CORO1C: variants seen among roughly 807,000 people sequenced by gnomAD.
The protein encoded by CORO1C is coronin-1C.
A neutral mutation model predicts 51.2 loss-of-function variants in CORO1C; 14 were observed. The ratio of observed to expected loss-of-function variants is 0.27; its 90% CI spans 0.18 to 0.43. The LOEUF (loss-of-function observed/expected upper bound fraction) is 0.43. Ranked by LOEUF, CORO1C falls within the 20% of genes least tolerant of loss-of-function variation. The pLI, the probability that CORO1C is intolerant of heterozygous loss-of-function variation, is 1.00. For missense variants in CORO1C, 417 were observed against 607.8 expected, an observed-to-expected ratio of 0.69 and a Z score of 3.30; for synonymous variants, 181 against 210.5, an observed-to-expected ratio of 0.86 and a Z score of 1.21.
At chr12:108,702,986 T>C (rs1193758139) in intron 1 of CORO1C, 1 of 1,486,238 alleles carries the variant, frequency 6.7e-7, no homozygotes, top group Non-Finnish European at 8.9e-7. Flanking sequence ...AAATGATTCG[T>C]GGCCAGGGTC....
rs374447417 is a variant in CORO1C at position 108,649,033 on chromosome 12, A to C, written c.1002-13T>G. 1.4e-5 allele frequency: 23 copies of C among 1,613,862 alleles called. No individual in the cohort carries two copies. Among genetic ancestry groups the C allele is most frequent in the Non-Finnish European group, 1.9e-5 (23 of 1,179,924 alleles). Reference sequence around the variant, plus strand: ...AAGTTTGAAGAATCTTCAGAGGGGAAATAAAGGCAAAGTTGCATTAAGTGA... The same window carrying C: ...AAGTTTGAAGAATCTTCAGAGGGGACATAAAGGCAAAGTTGCATTAAGTGA... On this transcript the variant is annotated splice_polypyrimidine_tract_variant and intron_variant, in intron 8 of 10. Transcript: ENST00000261401.
intron 2 of CORO1C, among the ~76,000 whole-genome samples, chr12:108,679,109 C>CAAAAAAA (rs1183326267): frequency 4.7e-3 from 97 of 20,776 alleles, no homozygotes; most frequent in African/African-American, 5.3e-3. Context: ...GACTCTGTCT[C>CAAAAAAA]AAAAAAAAAA....
At chr12:108,712,615 T>C (rs1161441640) in intron 1 of CORO1C, among the ~76,000 whole-genome samples, 1 of 140,038 alleles carries the variant, frequency 7.1e-6, no homozygotes, top group Non-Finnish European at 1.5e-5. Context: ...TGTAATAATA[T>C]ATAAGCCTAC....
At chr12:108,656,919 C>T (rs1462452119) in intron 6 of CORO1C, among the ~76,000 whole-genome samples, 1 of 152,148 alleles carries the variant, frequency 6.6e-6, no homozygotes, top group Admixed American at 6.5e-5. Flanking sequence ...TGCGGAAGGC[C>T]GCAGGGTCCT....
chr12:108,689,131 C>T (rs939249164), intron 2 of CORO1C, among the ~76,000 whole-genome samples: 15 of 151,922 alleles, frequency 9.9e-5, no homozygotes, highest in African/African-American at 2.9e-4. Flanking sequence ...ACCCGGAAGG[C>T]GGAGGTTGCA....
chr12:108,665,599 G>A (rs1234027442), intron 3 of CORO1C, among the ~76,000 whole-genome samples: 1 of 152,194 alleles, frequency 6.6e-6, no homozygotes, highest in East Asian at 1.9e-4. Context: ...GCAGAGTCTG[G>A]TTCAAATCCT....
intron 2 of CORO1C, among the ~76,000 whole-genome samples, chr12:108,693,150 T>C (rs1565924902): frequency 6.6e-6 from 1 of 151,838 alleles, no homozygotes; most frequent in Non-Finnish European, 1.5e-5. Flanking sequence ...TCACACTCAG[T>C]AGAAAAAAAA....
Position 108,708,253 on chromosome 12 carries a change from T to C in CORO1C, c.-5-6930A>G, listed in dbSNP as rs1031470130. Among the ~76,000 whole-genome samples the C allele has an allele frequency of 3.9e-5, 6 of 152,114 alleles. No individual in the cohort carries two copies. In the South Asian group the frequency reaches 1.2e-3, roughly 32 times the overall value. Reference sequence around the variant, plus strand: ...AATACAGACTATCCATTGTATCCAATGGATAAACAAAATGTGATATTACCT... The same window carrying C: ...AATACAGACTATCCATTGTATCCAACGGATAAACAAAATGTGATATTACCT... On this transcript the variant is annotated intron_variant, in intron 1 of 10. Transcript: ENST00000261401.
intron 6 of CORO1C, among the ~76,000 whole-genome samples, chr12:108,655,784 C>T (rs2032936408): frequency 6.6e-6 from 1 of 152,246 alleles, no homozygotes; most frequent in African/African-American, 2.4e-5. Context: ...CAGATTGCAG[C>T]CTCTGCCCGG....
At chr12:108,714,409 A>AT (rs1485863745) in intron 1 of CORO1C, among the ~76,000 whole-genome samples, 1 of 150,928 alleles carries the variant, frequency 6.6e-6, no homozygotes, top group East Asian at 2.0e-4. Context: ...AAAAAAAAAA[A>AT]AAAAAAGAGG....
intron 3 of CORO1C, among the ~76,000 whole-genome samples, chr12:108,672,815 T>C (rs1257526191): frequency 6.6e-6 from 1 of 152,218 alleles, no homozygotes; most frequent in African/African-American, 2.4e-5. Flanking sequence ...GTTACAGTGA[T>C]CAGTAATGTC....
intron 2 of CORO1C, among the ~76,000 whole-genome samples, chr12:108,693,294 C>T (rs957264952): frequency 6.6e-6 from 1 of 152,094 alleles, no homozygotes; most frequent in African/African-American, 2.4e-5. Context: ...AGGAATGATC[C>T]CACCCTACCA....
At chr12:108,650,244 A>T (rs1393595298) in intron 8 of CORO1C, among the ~76,000 whole-genome samples, 3 of 123,254 alleles carry the variant, frequency 2.4e-5, no homozygotes, top group Non-Finnish European at 4.7e-5. Context: ...GCTGGAGTGC[A>T]GTGGCACAAG....
intron 6 of CORO1C, among the ~76,000 whole-genome samples, chr12:108,655,952 C>T (rs1196633848): frequency 1.0e-4 from 15 of 150,076 alleles, no homozygotes; most frequent in East Asian, 2.0e-4. Flanking sequence ...TCTGCCCGGC[C>T]GCCCATCGTC....
At position 108,662,155 on chromosome 12, in the gene CORO1C, A is replaced by G; in HGVS notation, c.322T>C (p.Trp108Arg). The change falls in exon 4 of 11, where the codon TGG (tryptophan) becomes CGG (arginine). Residue 108 changes from tryptophan to arginine, a missense_variant. Physicochemically the swap from Trp to Arg is moderately radical, Grantham distance 101. Coordinates refer to ENST00000261401, the MANE Select transcript of CORO1C (RefSeq NM_014325.4). Reference protein sequence around the residue: ...SGSEDCTVMVWQIPENGLTLS... With the variant: ...SGSEDCTVMVRQIPENGLTLS... ...GTGAGTCCATTTTCTGGGATCTGCC[A>G]TACCTGTTGGACAAGGAAGAAAGAT... 1 of 1,613,636 alleles carries G rather than the reference A, an allele frequency of 6.2e-7. No homozygotes were observed. Among genetic ancestry groups the G allele is most frequent in the Non-Finnish European group, 8.5e-7 (1 of 1,179,642 alleles).
intron 1 of CORO1C, among the ~76,000 whole-genome samples, chr12:108,703,510 G>A (rs373175112): frequency 2.6e-5 from 4 of 152,338 alleles, no homozygotes; most frequent in Non-Finnish European, 4.4e-5. Context: ...TGTCATGCAC[G>A]TGTAACTGAC....
intron 2 of CORO1C, among the ~76,000 whole-genome samples, chr12:108,700,248 G>A (rs1476718297): frequency 1.3e-5 from 2 of 152,070 alleles, no homozygotes; most frequent in African/African-American, 2.4e-5. Flanking sequence ...CCTTATCACT[G>A]GAGCTCAGGA....
intron 1 of CORO1C, among the ~76,000 whole-genome samples, chr12:108,708,221 C>A (rs1407770812): frequency 6.6e-6 from 1 of 152,140 alleles, no homozygotes; most frequent in Non-Finnish European, 1.5e-5. Flanking sequence ...AGGGTAGAAG[C>A]AACCCAAATA....
intron 3 of CORO1C, among the ~76,000 whole-genome samples, chr12:108,674,308 G>A (rs2033823696): frequency 6.6e-6 from 1 of 152,154 alleles, no homozygotes. Context: ...CACACCTTTG[G>A]GAGGCCAAGG....
Sources: allele counts gnomAD v4.1 joint callset (sites outside exome capture counted in the v4.1 genomes callset), GRCh38; gene constraint gnomAD v4.1.1; transcripts MANE v1.5; gene names NCBI Gene and HGNC (gene_info 2026-07-23, HGNC 2026-07-21).